ERI1: variants seen among roughly 807,000 people sequenced by gnomAD.
ERI1 encodes the protein 3'-5' exoribonuclease 1.
In ERI1, 39 loss-of-function variants were observed where a neutral mutation model predicts 39.7. The ratio of observed to expected loss-of-function variants is 0.98; its 90% CI spans 0.76 to 1.28. The LOEUF (loss-of-function observed/expected upper bound fraction) is 1.28, where lower values mean the gene tolerates loss of function less well. Ranked by LOEUF, ERI1 falls within the 50% of genes most tolerant of loss-of-function variation. The pLI, the probability that ERI1 is intolerant of heterozygous loss-of-function variation, is 0.00. For synonymous variants in ERI1, 204 were observed against 149.6 expected (o/e 1.36, Z -2.65); for missense variants, 581 against 416.9 (o/e 1.39, Z -3.43).
chr8:9,036,729 C>A (rs1297276778), downstream of ERI1, among the ~76,000 whole-genome samples: 1 of 151,736 alleles, frequency 6.6e-6, no homozygotes, highest in Non-Finnish European at 1.5e-5. Context: ...AAAAGAGGAG[C>A]AAGGTTGTGA....
At chr8:9,087,766 C>T (rs1342835696) in intron 3 of ERI1, among the ~76,000 whole-genome samples, 1 of 152,130 alleles carries the variant, frequency 6.6e-6, no homozygotes, top group South Asian at 2.1e-4. Context: ...CATCAGGCCC[C>T]ACAAGGGTTT....
At chr8:9,072,070 G>T (rs544006612) in intron 3 of ERI1, among the ~76,000 whole-genome samples, 4 of 152,224 alleles carry the variant, frequency 2.6e-5, no homozygotes, top group African/African-American at 9.6e-5. Flanking sequence ...TGTCACACAC[G>T]TACACACACG....
intron 3 of ERI1, among the ~76,000 whole-genome samples, chr8:9,038,992 C>T (rs1053172028): frequency 7.2e-5 from 11 of 152,168 alleles, no homozygotes; most frequent in African/African-American, 2.4e-4. Flanking sequence ...CTTCAGCTGA[C>T]AGCATGATTA....
chr8:9,061,823 C>G (rs375729542), intron 3 of ERI1, among the ~76,000 whole-genome samples: 1 of 150,034 alleles, frequency 6.7e-6, no homozygotes, highest in Non-Finnish European at 1.5e-5. Context: ...GCAGTATAGC[C>G]CAGGTAATTT....
At chr8:9,005,427 A>G (rs564251840) in intron 1 of ERI1, among the ~76,000 whole-genome samples, 22 of 152,262 alleles carry the variant, frequency 1.4e-4, no homozygotes, top group Non-Finnish European at 2.2e-4. Flanking sequence ...CCTTCCCAAT[A>G]AGAAGAGGAC....
downstream of ERI1, among the ~76,000 whole-genome samples, chr8:9,033,986 G>T (rs7824140): frequency 1.3e-5 from 2 of 152,192 alleles, no homozygotes; most frequent in African/African-American, 2.4e-5. Context: ...GTGACCAGCT[G>T]TAAGGTTTTT....
chr8:9,007,323 T>C (rs936792409), intron 1 of ERI1, among the ~76,000 whole-genome samples: 2 of 152,234 alleles, frequency 1.3e-5, no homozygotes, highest in Non-Finnish European at 2.9e-5. Context: ...ATTTTGTTTT[T>C]ATGTTGGGCA....
chr8:9,093,774 A>G (rs1203648632), intron 3 of ERI1, among the ~76,000 whole-genome samples: 2 of 152,044 alleles, frequency 1.3e-5, no homozygotes, highest in Non-Finnish European at 2.9e-5. Context: ...ATGGAGTTTC[A>G]CCACATTGTC....
chr8:9,033,497 T>C (rs909281544), downstream of ERI1, among the ~76,000 whole-genome samples: 1 of 152,242 alleles, frequency 6.6e-6, no homozygotes, highest in Non-Finnish European at 1.5e-5. Context: ...ACCTCCCTTA[T>C]GTAATGCAAT....
In ERI1 at chr8:9,086,251, CA is replaced by C. The variant is rs561462652; in HGVS notation, n.300-30092del. On this transcript the variant is annotated intron_variant and non_coding_transcript_variant, in intron 3 of 3. Transcript: ENST00000518663. ...CAAGATGGTGAGACCACCAATGCTA[CA>C]AAAATACCAAAAATTAGCTGGGCAT... 5.6e-3 allele frequency among the ~76,000 whole-genome samples: 849 copies of C among 152,166 alleles called. 4 individuals carry two copies. The highest frequency in any genetic ancestry group is 0.026 in the South Asian group (126 of 4,814).
intron 3 of ERI1, chr8:9,072,475 C>G (rs1668366639): frequency 6.6e-6 from 1 of 152,018 alleles, no homozygotes; most frequent in Admixed American, 6.6e-5. Context: ...CAGTGAAAAC[C>G]AGAAAACCTG....
At chr8:9,024,884 A>T (rs1322471872) in intron 6 of ERI1, among the ~76,000 whole-genome samples, 1 of 151,982 alleles carries the variant, frequency 6.6e-6, no homozygotes, top group Admixed American at 6.6e-5. Context: ...ATAAGCTCAC[A>T]TGGATTCTTT....
chr8:9,094,913 G>A (rs187085701), intron 3 of ERI1, among the ~76,000 whole-genome samples: 79 of 152,114 alleles, frequency 5.2e-4, no homozygotes, highest in Middle Eastern at 3.4e-3. Context: ...ACGGGGGTTG[G>A]GAGAGTCCTG....
chr8:9,026,141 TCTTCCA>T (rs1363515818), intron 6 of ERI1, among the ~76,000 whole-genome samples: 1 of 152,208 alleles, frequency 6.6e-6, no homozygotes, highest in African/African-American at 2.4e-5. Flanking sequence ...AGGTGTGTAA[TCTTCCA>T]CTTGTGACGT....
At chr8:9,016,289 A>G (rs1817276675) in intron 3 of ERI1, 33 bp from the exon 4 acceptor site, 2 of 1,406,468 alleles carry the variant, frequency 1.4e-6, no homozygotes, top group Non-Finnish European at 2.0e-6. Context: ...TAACTCATAT[A>G]AATTACTTTA....
At position 9,032,598 on chromosome 8, in the gene ERI1, A is replaced by G. The variant is rs1269326203; in HGVS notation, c.*2564A>G. The G allele has an allele frequency of 6.6e-6, 1 of 152,232 alleles. No homozygotes were observed. The highest frequency in any genetic ancestry group is 1.5e-5 in the Non-Finnish European group (1 of 68,042). 9.4% of individuals were successfully genotyped at this position (152,232 alleles called of 1,614,324 possible). A position where few individuals can be genotyped will look rare whatever the true frequency, so the allele number is the denominator to read the frequency against. Reference sequence around the variant, plus strand: ...ACAAAAAAACACAGGCGTCACAAGCATGTTACCTATTAAGAGAGAGAGGGT... The same window carrying G: ...ACAAAAAAACACAGGCGTCACAAGCGTGTTACCTATTAAGAGAGAGAGGGT... On this transcript the variant is annotated 3_prime_UTR_variant, in exon 7 of 7. Transcript: ENST00000250263.
chr8:9,061,136 A>G (rs1798681710), intron 3 of ERI1, among the ~76,000 whole-genome samples: 2 of 152,232 alleles, frequency 1.3e-5, no homozygotes, highest in Non-Finnish European at 2.9e-5. Context: ...AAGATACTAT[A>G]GCATAGCCTG....
intron 3 of ERI1, among the ~76,000 whole-genome samples, chr8:9,049,128 C>T (rs1371958142): frequency 1.3e-5 from 2 of 151,628 alleles, no homozygotes; most frequent in East Asian, 2.0e-4. Flanking sequence ...CACCTGAGGT[C>T]AGGAGTTCTC....
chr8:9,070,211 C>A (rs1799004592), intron 3 of ERI1, among the ~76,000 whole-genome samples: 1 of 151,846 alleles, frequency 6.6e-6, no homozygotes, highest in African/African-American at 2.4e-5. Context: ...TGCACTCCAA[C>A]CTGGGTGAGA....
Sources: gnomAD v4.1 joint callset for allele counts (sites outside exome capture counted in the v4.1 genomes callset) on GRCh38, gnomAD v4.1.1 for gene constraint, MANE v1.5 for transcripts, NCBI Gene and HGNC (gene_info 2026-07-23, HGNC 2026-07-21) for gene names.